Variants in ADGRL3 observed in about 807,000 individuals in gnomAD.
ADGRL3 encodes the protein calcium-independent alpha-latrotoxin receptor 3.
A neutral mutation model predicts 153.5 loss-of-function variants in ADGRL3; 62 were observed. That is an observed-to-expected ratio of 0.40 (90% confidence interval 0.33 to 0.50). The LOEUF is 0.50. Among genes scored for constraint, ADGRL3 ranks in the 20% least tolerant of loss-of-function variants. ADGRL3 has a pLI of 0.47. For missense variants in ADGRL3, 1,641 were observed against 1,859.4 expected (o/e 0.88, Z 2.16); for synonymous variants, 710 against 672.5 (o/e 1.06, Z -0.86).
intron 13 of ADGRL3, among the ~76,000 whole-genome samples, chr4:61,915,772 A>G (rs2098742467): frequency 6.6e-6 from 1 of 152,102 alleles, no homozygotes; most frequent in African/African-American, 2.4e-5. Context: ...GTCTATTTGC[A>G]TTTTAAAGAC....
chr4:61,869,862 C>T (rs2098426455), intron 9 of ADGRL3, among the ~76,000 whole-genome samples: 1 of 145,052 alleles, frequency 6.9e-6, no homozygotes, highest in African/African-American at 2.6e-5. Context: ...CGCTTGAATC[C>T]AGGAGGCGGA....
rs1468121366 is a variant in ADGRL3 at position 61,912,872 on chromosome 4, A to G, written c.2112+115A>G. The G allele has an allele frequency of 5.3e-6, 5 of 939,748 alleles. No homozygotes were observed. The East Asian group carries it at 7.4e-5, about 14-fold the overall frequency. The allele number at this position is 939,748 out of a possible 1,614,324, so 58.2% of individuals were successfully genotyped here. On this transcript the variant is annotated intron_variant, in intron 13 of 26. Transcript: ENST00000683033. ...TACCTTACTGAAATAAAGGAATTTCATGGAGGGGGAGAAGGGTGGGAACAG... is the reference window on the plus strand; with the variant it reads ...TACCTTACTGAAATAAAGGAATTTCGTGGAGGGGGAGAAGGGTGGGAACAG...
chr4:61,711,491 T>TATATATAC lies in ADGRL3; in HGVS notation c.584-19130_584-19129insTATATACA, dbSNP rs757078842. On this transcript the variant is annotated intron_variant, in intron 6 of 26. Transcript: ENST00000683033. ...ATATATATATATATATATATATATA[T>TATATATAC]ACACACACACACACACACACACAAT... is the stretch of plus-strand genomic sequence containing the variant. 5.8e-3 allele frequency among the ~76,000 whole-genome samples: 517 copies of TATATATAC among 89,084 alleles called. 3 individuals are homozygous for TATATATAC. The highest frequency in any genetic ancestry group is 0.011 in the Non-Finnish European group (453 of 42,368). The allele number at this position is 89,084 out of a possible 152,430, so 58.4% of individuals were successfully genotyped here.
intron 6 of ADGRL3, among the ~76,000 whole-genome samples, chr4:61,712,700 C>T (rs2096020008): frequency 6.6e-6 from 1 of 152,176 alleles, no homozygotes; most frequent in Non-Finnish European, 1.5e-5. Context: ...ATGGTCCATG[C>T]AGTTACATCA....
rs2093995444 is a variant in ADGRL3 at position 61,287,720 on chromosome 4, TG to T, written c.-240+85956del. On this transcript the variant is annotated intron_variant, in intron 1 of 26. Coordinates refer to ENST00000683033, the MANE Select transcript of ADGRL3 (RefSeq NM_001387552.1). ...GGTCTGACTGGCTTGATTTGGAGAG[TG>T]TGTGGGTCCTAATCCATCTGGAGTG... Among the ~76,000 whole-genome samples the T allele has an allele frequency of 3.3e-5, 5 of 151,678 alleles. No homozygotes were observed. In the South Asian group the frequency reaches 1.0e-3, roughly 32 times the overall value.
chr4:61,891,256 G>T (rs2098582531), intron 9 of ADGRL3, among the ~76,000 whole-genome samples: 4 of 152,104 alleles, frequency 2.6e-5, no homozygotes. Context: ...GAATCAAAAA[G>T]ACTTGGTTAT....
At chr4:61,534,374 T>C (rs1389325980) in intron 4 of ADGRL3, among the ~76,000 whole-genome samples, 1 of 152,194 alleles carries the variant, frequency 6.6e-6, no homozygotes, top group East Asian at 1.9e-4. Context: ...GGAAATGTGA[T>C]GTCTCCAGCT....
rs548577046 is a variant in ADGRL3 at position 61,871,510 on chromosome 4, C to T, written c.1481-21146C>T. Reference sequence around the variant, plus strand: ...AAACAACCTGCTAAGTGACATAAGCCGGTCACTAAAGGCACATACTGTATG... The same window carrying T: ...AAACAACCTGCTAAGTGACATAAGCTGGTCACTAAAGGCACATACTGTATG... On this transcript the variant is annotated intron_variant, in intron 9 of 26. Coordinates refer to ENST00000683033, the MANE Select transcript of ADGRL3 (RefSeq NM_001387552.1). 5.9e-5 allele frequency among the ~76,000 whole-genome samples: 9 copies of T among 152,158 alleles called. No individual in the cohort carries two copies. The East Asian group carries it at 9.7e-4, about 16-fold the overall frequency.
intron 17 of ADGRL3, among the ~76,000 whole-genome samples, chr4:61,954,494 C>A (rs909679859): frequency 6.6e-6 from 1 of 151,950 alleles, no homozygotes; most frequent in Non-Finnish European, 1.5e-5. Context: ...TTCCCAAAAC[C>A]CTTTAAAATG....
intron 1 of ADGRL3, among the ~76,000 whole-genome samples, chr4:61,231,464 G>A (rs987346277): frequency 6.6e-6 from 1 of 152,036 alleles, no homozygotes; most frequent in African/African-American, 2.4e-5. Context: ...AACACAGCCA[G>A]CCTCCCAGTG....
chr4:61,361,143 C>T (rs1460503213), intron 1 of ADGRL3, among the ~76,000 whole-genome samples: 5 of 152,114 alleles, frequency 3.3e-5, no homozygotes, highest in Admixed American at 6.5e-5. Flanking sequence ...CTATCAGCTG[C>T]GTGGGCTTGA....
At chr4:61,606,638 A>G (rs1401123981) in intron 5 of ADGRL3, among the ~76,000 whole-genome samples, 1 of 152,150 alleles carries the variant, frequency 6.6e-6, no homozygotes, top group Admixed American at 6.5e-5. Flanking sequence ...CCCCGTCTTC[A>G]AATATAGTCA....
chr4:61,276,409 T>C (rs1440035782), intron 1 of ADGRL3, among the ~76,000 whole-genome samples: 1 of 152,188 alleles, frequency 6.6e-6, no homozygotes, highest in African/African-American at 2.4e-5. Flanking sequence ...CCTTTAAACT[T>C]AAAGGAACAG....
At chr4:61,795,268 C>T (rs1448490053) in intron 8 of ADGRL3, among the ~76,000 whole-genome samples, 3 of 152,148 alleles carry the variant, frequency 2.0e-5, no homozygotes, top group Admixed American at 2.0e-4. Context: ...AGTGGGACTA[C>T]AGGCACAATC....
At chr4:61,229,903 A>AAT (rs202191907) in intron 1 of ADGRL3, among the ~76,000 whole-genome samples, 3,459 of 150,592 alleles carry the variant, frequency 0.023, 114 homozygotes, top group African/African-American at 0.071. Flanking sequence ...CCTGTTCTTA[A>AAT]ATATATATAT....
intron 5 of ADGRL3, among the ~76,000 whole-genome samples, chr4:61,606,139 G>A (rs1041536710): frequency 6.6e-6 from 1 of 152,100 alleles, no homozygotes; most frequent in African/African-American, 2.4e-5. Context: ...AAAAAAAGGG[G>A]TCACAGTGCA....
At chr4:61,463,499 G>T (rs1490354681) in intron 2 of ADGRL3, among the ~76,000 whole-genome samples, 2 of 152,106 alleles carry the variant, frequency 1.3e-5, no homozygotes, top group African/African-American at 4.8e-5. Context: ...GGGGAAATCT[G>T]CCCCATGATC....
At chr4:61,920,796 C>G (rs1430808909) in intron 13 of ADGRL3, among the ~76,000 whole-genome samples, 3 of 152,152 alleles carry the variant, frequency 2.0e-5, no homozygotes, top group Non-Finnish European at 2.9e-5. Context: ...CCTTTTAGTA[C>G]TTTCCAGGAG....
intron 5 of ADGRL3, among the ~76,000 whole-genome samples, chr4:61,636,989 C>T (rs1022777239): frequency 2.6e-5 from 4 of 151,976 alleles, no homozygotes; most frequent in African/African-American, 9.7e-5. Flanking sequence ...TTAGGTTTGT[C>T]ATGAACTAGT....
Sources: allele counts gnomAD v4.1 joint callset (sites outside exome capture counted in the v4.1 genomes callset), GRCh38; gene constraint gnomAD v4.1.1; transcripts MANE v1.5; gene names NCBI Gene and HGNC (gene_info 2026-07-23, HGNC 2026-07-21).